The following CLDN16 variants were observed in gnomAD, a reference collection of about 807,000 sequenced individuals.
CLDN16 encodes claudin-16.
Under a neutral mutation model 24.6 loss-of-function variants are expected in CLDN16, and 13 were observed. The observed-to-expected ratio is 0.53, with a 90% CI of 0.34 to 0.84. CLDN16 has a LOEUF of 0.84. Ranked by LOEUF, CLDN16 falls within the 40% of genes least tolerant of loss-of-function variation. The pLI is 0.01. For missense variants in CLDN16, 298 were observed against 292.7 expected (o/e 1.02, Z -0.13); for synonymous variants, 116 against 106.7 (o/e 1.09, Z -0.54).
At chr3:190,329,605 A>G (rs1717140224) in intron 1 of CLDN16, among the ~76,000 whole-genome samples, 1 of 152,232 alleles carries the variant, frequency 6.6e-6, no homozygotes, top group South Asian at 2.1e-4. Context: ...AGGAGGAATA[A>G]TAAGACTTGG....
the CLDN16 span, chr3:190,307,538 C>T: frequency 6.6e-6 from 1 of 152,076 alleles, no homozygotes; most frequent in African/African-American, 2.4e-5. Context: ...AGATTTGCCT[C>T]CAAAGTTCTG....
upstream of CLDN16, among the ~76,000 whole-genome samples, chr3:190,317,646 A>G (rs1716805561): frequency 6.6e-6 from 1 of 152,216 alleles, no homozygotes; most frequent in Admixed American, 6.5e-5. Flanking sequence ...TAAACAAAAT[A>G]TAGTCATCTC....
At chr3:190,365,094 G>A (rs1717991949) in intron 1 of CLDN16, among the ~76,000 whole-genome samples, 1 of 151,590 alleles carries the variant, frequency 6.6e-6, no homozygotes, top group South Asian at 2.1e-4. Context: ...ACTCTTTTTG[G>A]CTGTTTATCT....
chr3:190,407,036 G>T (rs1308071098), intron 3 of CLDN16, among the ~76,000 whole-genome samples: 1 of 152,044 alleles, frequency 6.6e-6, no homozygotes, highest in African/African-American at 2.4e-5. Context: ...CAATGTGCCC[G>T]GCCTATCTGC....
At chr3:190,350,092 A>G (rs1247228273) in intron 1 of CLDN16, among the ~76,000 whole-genome samples, 1 of 151,970 alleles carries the variant, frequency 6.6e-6, no homozygotes, top group Non-Finnish European at 1.5e-5. Flanking sequence ...AGGGCAGGGC[A>G]TGGAGACAAG....
chr3:190,304,707 A>G, the CLDN16 span, among the ~76,000 whole-genome samples: 9 of 152,186 alleles, frequency 5.9e-5, no homozygotes, highest in African/African-American at 2.2e-4. Context: ...GGAAATGAGG[A>G]AAGAAGGAAA....
intron 1 of CLDN16, among the ~76,000 whole-genome samples, chr3:190,360,996 T>C (rs1295474190): frequency 6.6e-6 from 1 of 152,024 alleles, no homozygotes; most frequent in Non-Finnish European, 1.5e-5. Flanking sequence ...CATAAAATTA[T>C]TTTTTAAGAA....
At chr3:190,368,615 C>T (rs1488228216) in intron 1 of CLDN16, among the ~76,000 whole-genome samples, 8 of 151,876 alleles carry the variant, frequency 5.3e-5, no homozygotes, top group Non-Finnish European at 2.9e-5. Flanking sequence ...GACTTAAGTT[C>T]GTCAATTCAG....
chr3:190,409,971 G>A lies in CLDN16; in HGVS notation c.643G>A (p.Ala215Thr). 6.2e-7 allele frequency: 1 copy of A among 1,613,940 alleles called. No homozygotes were observed. The highest frequency in any genetic ancestry group is 1.1e-5 in the South Asian group (1 of 91,072). Residue 215 changes from alanine to threonine, a missense_variant, in exon 5 of 5, where the codon GCC becomes ACC. By Grantham distance (58) the Ala-to-Thr change is moderately conservative. Transcript: ENST00000264734. ...CTATTCAGCCGCGGGTGTTTCCATG[G>A]CCAAGTCATACTCAGCCCCTCGCAC... ...KAYSAAGVSM[A>T]KSYSAPRTET...
intron 4 of CLDN16, 36 bp from the exon 5 acceptor site, chr3:190,409,867 C>T (rs775532553): frequency 8.7e-5 from 140 of 1,603,856 alleles, no homozygotes; most frequent in Non-Finnish European, 7.4e-5. Context: ...CCCAAGTTCA[C>T]TGAGTTCTAC....
At chr3:190,402,241 G>A in intron 1 of CLDN16, 96 bp from the exon 2 acceptor site, 2 of 879,154 alleles carry the variant, frequency 2.3e-6, no homozygotes, top group Admixed American at 1.7e-5. Context: ...CACTTACTTT[G>A]CTATCAAACA....
At chr3:190,385,655 C>T (rs1383048806), upstream of CLDN16, among the ~76,000 whole-genome samples, 1 of 151,882 alleles carries the variant, frequency 6.6e-6, no homozygotes, top group South Asian at 2.1e-4. Context: ...ATATGCTTAG[C>T]ATTTTTTGGT....
the CLDN16 span, chr3:190,310,181 G>A: frequency 6.8e-6 from 11 of 1,613,374 alleles, no homozygotes; most frequent in South Asian, 4.4e-5. Flanking sequence ...GGCATTGACT[G>A]GGGTCATAGG....
chr3:190,356,323 G>T (rs1469501418), intron 1 of CLDN16, among the ~76,000 whole-genome samples: 2 of 151,614 alleles, frequency 1.3e-5, no homozygotes, highest in Admixed American at 1.3e-4. Context: ...GCTATAATAA[G>T]TGTGATAAGA....
intron 2 of CLDN16, among the ~76,000 whole-genome samples, chr3:190,371,268 CCTGA>C (rs1718137112): frequency 6.6e-6 from 1 of 151,256 alleles, no homozygotes; most frequent in African/African-American, 2.4e-5. Flanking sequence ...TTTAGAGAAA[CCTGA>C]CTAATACAAC....
At chr3:190,358,416 T>C (rs1717821206) in intron 1 of CLDN16, among the ~76,000 whole-genome samples, 1 of 151,972 alleles carries the variant, frequency 6.6e-6, no homozygotes. Flanking sequence ...CACATAGGAC[T>C]GAATACTTCA....
intron 1 of CLDN16, among the ~76,000 whole-genome samples, chr3:190,330,043 C>G (rs868583723): frequency 2.0e-5 from 3 of 151,766 alleles, no homozygotes; most frequent in African/African-American, 7.3e-5. Context: ...ACCGTCCCCC[C>G]TCCACCAGCA....
At chr3:190,374,830 G>T (rs2108649500) in intron 3 of CLDN16, among the ~76,000 whole-genome samples, 1 of 152,082 alleles carries the variant, frequency 6.6e-6, no homozygotes, top group South Asian at 2.1e-4. Flanking sequence ...TGTATTGTGT[G>T]CCGATTTTTA....
chr3:190,363,419 C>T (rs1717943412), intron 1 of CLDN16, among the ~76,000 whole-genome samples: 1 of 150,696 alleles, frequency 6.6e-6, no homozygotes. Flanking sequence ...CTTCTAATTC[C>T]AATAAATAGG....
Sources: allele counts gnomAD v4.1 joint callset (sites outside exome capture counted in the v4.1 genomes callset), GRCh38; gene constraint gnomAD v4.1.1; transcripts MANE v1.5; gene names NCBI Gene and HGNC (gene_info 2026-07-23, HGNC 2026-07-21).